FBXL7: variants seen among roughly 807,000 people sequenced by gnomAD.
FBXL7 encodes F-box/LRR-repeat protein 7.
Under a neutral mutation model 38.3 loss-of-function variants are expected in FBXL7, and 12 were observed. The observed-to-expected ratio is 0.31, with a 90% CI of 0.20 to 0.51. The LOEUF is 0.51. FBXL7 is among the 20% of genes least tolerant of loss of function. The pLI is 0.98. For synonymous variants in FBXL7, 297 were observed against 300.9 expected, an observed-to-expected ratio of 0.99 and a Z score of 0.13; for missense variants, 567 against 676.4, an observed-to-expected ratio of 0.84 and a Z score of 1.79.
intron 2 of FBXL7, among the ~76,000 whole-genome samples, chr5:15,868,417 T>C (rs73062160): frequency 0.054 from 8,187 of 152,262 alleles, 719 homozygotes; most frequent in African/African-American, 0.19. Context: ...ACTAAGTCCA[T>C]GATAATTCAT....
chr5:15,647,282 G>A (rs1054637676), intron 2 of FBXL7, among the ~76,000 whole-genome samples: 5 of 152,172 alleles, frequency 3.3e-5, no homozygotes, highest in Admixed American at 1.3e-4. Flanking sequence ...TTTCTAATGT[G>A]GTAAGTAAGA....
At chr5:15,508,746 A>C (rs569161228) in intron 1 of FBXL7, among the ~76,000 whole-genome samples, 2 of 152,316 alleles carry the variant, frequency 1.3e-5, no homozygotes, top group East Asian at 3.9e-4. Flanking sequence ...CTGATTAGAA[A>C]ATACTTCCCT....
intron 1 of FBXL7, among the ~76,000 whole-genome samples, chr5:15,555,068 G>A (rs1738190812): frequency 6.6e-6 from 1 of 152,202 alleles, no homozygotes; most frequent in Admixed American, 6.5e-5. Flanking sequence ...TTGTGAGGGT[G>A]TCAGACTCTG....
chr5:15,575,129 A>G (rs765047705), intron 1 of FBXL7, among the ~76,000 whole-genome samples: 3 of 152,132 alleles, frequency 2.0e-5, no homozygotes, highest in Non-Finnish European at 4.4e-5. Flanking sequence ...AGCATCCACA[A>G]CAAAGAATCA....
intron 1 of FBXL7, among the ~76,000 whole-genome samples, chr5:15,609,000 A>G (rs1183815278): frequency 4.0e-5 from 6 of 151,624 alleles, no homozygotes; most frequent in Non-Finnish European, 7.4e-5. Flanking sequence ...CTTGCACGTG[A>G]GCATATGTGT....
At chr5:15,914,524 A>G in intron 2 of FBXL7, among the ~76,000 whole-genome samples, 1 of 152,116 alleles carries the variant, frequency 6.6e-6, no homozygotes, top group East Asian at 1.9e-4. Flanking sequence ...TTTTGGGTGT[A>G]CATGTGTCTT....
At chr5:15,723,375 G>T (rs574646936) in intron 2 of FBXL7, among the ~76,000 whole-genome samples, 1 of 152,116 alleles carries the variant, frequency 6.6e-6, no homozygotes, top group East Asian at 1.9e-4. Context: ...GGCTATAGAC[G>T]TGACACACTT....
chr5:15,935,589 G>A (rs538535643), intron 3 of FBXL7, among the ~76,000 whole-genome samples: 2 of 152,200 alleles, frequency 1.3e-5, no homozygotes, highest in African/African-American at 4.8e-5. Context: ...CTGGCAAATA[G>A]GGGTGTGGGG....
intron 2 of FBXL7, among the ~76,000 whole-genome samples, chr5:15,824,766 G>C (rs1738266257): frequency 6.6e-6 from 1 of 152,122 alleles, no homozygotes; most frequent in South Asian, 2.1e-4. Context: ...TTTTACACTA[G>C]ATATTTGGAA....
intron 1 of FBXL7, among the ~76,000 whole-genome samples, chr5:15,552,633 G>T: frequency 6.6e-6 from 1 of 152,232 alleles, no homozygotes; most frequent in South Asian, 2.1e-4. Flanking sequence ...GGCTATTGCA[G>T]CCACCTTCTG....
At position 15,647,466 on chromosome 5, in the gene FBXL7, T is replaced by C. The variant is rs549646206; in HGVS notation, c.127+31394T>C. Among the ~76,000 whole-genome samples, 32 of 152,298 alleles carry C rather than the reference T, an allele frequency of 2.1e-4. No homozygotes were observed. The South Asian group carries it at 5.8e-3, about 28-fold the overall frequency. ...CTGTCTCAAATAGTAGAAATCCAAA[T>C]AGACCACAGCAATGTCTACAATCCA... On this transcript the variant is annotated intron_variant, in intron 2 of 3. Transcript: ENST00000504595.
chr5:15,863,814 T>A (rs1283788388), intron 2 of FBXL7, among the ~76,000 whole-genome samples: 2 of 152,202 alleles, frequency 1.3e-5, no homozygotes, highest in Admixed American at 6.5e-5. Context: ...GCTTCCTCTC[T>A]TTGTATGCTC....
At chr5:15,814,299 C>A (rs1161742755) in intron 2 of FBXL7, among the ~76,000 whole-genome samples, 1 of 152,014 alleles carries the variant, frequency 6.6e-6, no homozygotes, top group Non-Finnish European at 1.5e-5. Context: ...AAGCTGGCAA[C>A]CATCATTCTC....
intron 2 of FBXL7, among the ~76,000 whole-genome samples, chr5:15,783,149 G>A (rs555112250): frequency 5.8e-4 from 88 of 152,284 alleles, no homozygotes; most frequent in Middle Eastern, 3.4e-3. Context: ...GATGGTGGGC[G>A]TGGAAGGTAG....
chr5:15,635,049 G>A (rs1441522564), intron 2 of FBXL7, among the ~76,000 whole-genome samples: 11 of 151,906 alleles, frequency 7.2e-5, no homozygotes, highest in Non-Finnish European at 1.6e-4. Flanking sequence ...TTTGGAGGGG[G>A]CATTATTCTG....
At chr5:15,820,653 T>G (rs886744777) in intron 2 of FBXL7, among the ~76,000 whole-genome samples, 1 of 152,160 alleles carries the variant, frequency 6.6e-6, no homozygotes, top group African/African-American at 2.4e-5. Context: ...TTTTGAGGAC[T>G]TGACCACACC....
At chr5:15,530,643 G>A (rs1737395688) in intron 1 of FBXL7, among the ~76,000 whole-genome samples, 1 of 152,156 alleles carries the variant, frequency 6.6e-6, no homozygotes, top group Admixed American at 6.5e-5. Flanking sequence ...TGAAAAAACA[G>A]ATTAAAATCA....
chr5:15,922,175 A>G (rs866525559), intron 2 of FBXL7, among the ~76,000 whole-genome samples: 2 of 151,480 alleles, frequency 1.3e-5, no homozygotes, highest in Non-Finnish European at 2.9e-5. Flanking sequence ...TGTTATATAT[A>G]TGAAATACTA....
intron 2 of FBXL7, among the ~76,000 whole-genome samples, chr5:15,814,393 C>T (rs780643714): frequency 3.9e-5 from 6 of 151,980 alleles, no homozygotes; most frequent in Admixed American, 3.9e-4. Context: ...CACATGGACA[C>T]AGGGAAGGGA....
Sources: gnomAD v4.1 joint callset for allele counts (sites outside exome capture counted in the v4.1 genomes callset) on GRCh38, gnomAD v4.1.1 for gene constraint, MANE v1.5 for transcripts, NCBI Gene and HGNC (gene_info 2026-07-23, HGNC 2026-07-21) for gene names.